The following CHKA variants were observed in gnomAD, a reference collection of about 807,000 sequenced individuals.
CHKA encodes choline kinase alpha.
CHKA carries 34 observed loss-of-function variants against 60.1 expected under a neutral mutation model. The ratio of observed to expected loss-of-function variants is 0.57; its 90% confidence interval spans 0.43 to 0.75. The LOEUF (loss-of-function observed/expected upper bound fraction) is 0.75, where lower values mean the gene tolerates loss of function less well. CHKA is among the 30% of genes least tolerant of loss of function. The pLI is 0.00. For synonymous variants in CHKA, 217 were observed against 223.1 expected, an observed-to-expected ratio of 0.97 and a Z score of 0.24; for missense variants, 563 against 561.3, an observed-to-expected ratio of 1.00 and a Z score of -0.03.
At chr11:68,115,707 AT>A (rs1232781403) in intron 1 of CHKA, among the ~76,000 whole-genome samples, 1 of 152,186 alleles carries the variant, frequency 6.6e-6, no homozygotes, top group Admixed American at 6.5e-5. Context: ...GCTCTAAAAA[AT>A]ATAGTGTATT....
At position 68,120,731 on chromosome 11, in the gene CHKA, C is replaced by A. The variant is rs540982190; in HGVS notation, c.350+97G>T. ...GCCCCGGCCCCGGCTCCCCCGGCCC[C>A]CGACCCCCCCGGCCCACGCCCCCTG... On this transcript the variant is annotated intron_variant, in intron 1 of 11. Transcript: ENST00000265689. 964 of 219,408 alleles carry A rather than the reference C, an allele frequency of 4.4e-3. 11 individuals carry two copies. Among genetic ancestry groups the A allele is most frequent in the African/African-American group, 0.021 (898 of 42,440 alleles). 13.6% of individuals were successfully genotyped at this position (219,408 alleles called of 1,614,324 possible). A position where few individuals can be genotyped will look rare whatever the true frequency, so the allele number is the denominator to read the frequency against.
chr11:68,061,095 GTTTTTTTT>G (rs757176198), intron 11 of CHKA, among the ~76,000 whole-genome samples: 5 of 70,840 alleles, frequency 7.1e-5, no homozygotes, highest in East Asian at 8.4e-4. Context: ...GTCAGTGACA[GTTTTTTTT>G]TTTTTTTTTT....
intron 3 of CHKA, among the ~76,000 whole-genome samples, chr11:68,077,490 T>A (rs527983944): frequency 2.0e-5 from 3 of 152,140 alleles, no homozygotes; most frequent in Non-Finnish European, 4.4e-5. Context: ...GGAAAATTGG[T>A]CCTACTTTTT....
chr11:68,070,544 G>C (rs796893667), intron 5 of CHKA, among the ~76,000 whole-genome samples, 180 bp downstream of exon 5: 13 of 152,232 alleles, frequency 8.5e-5, no homozygotes, highest in African/African-American at 2.6e-4. Flanking sequence ...TCCTGGTTTA[G>C]GAATTGACTT....
rs371209268 is a variant in CHKA, at chr11:68,070,325, A to G, written c.765-32T>C. The stretch of plus-strand genomic sequence containing the variant: ...AAAAATTTTCAAAAAAGAACAGAAC[A>G]AAGAATCACCGATCAATTCACCAAG... On this transcript the variant is annotated intron_variant, in intron 5 of 11. Transcript: ENST00000265689. The G allele has an allele frequency of 1.1e-4, 156 of 1,413,628 alleles. 2 individuals are homozygous for G. The highest frequency in any genetic ancestry group is 1.1e-3 in the Middle Eastern group (6 of 5,652). 87.6% of individuals were successfully genotyped at this position (1,413,628 alleles called of 1,614,324 possible). A position where few individuals can be genotyped will look rare whatever the true frequency, so the allele number is the denominator to read the frequency against.
At chr11:68,120,500 C>T (rs1383884780) in intron 1 of CHKA, among the ~76,000 whole-genome samples, 1 of 152,228 alleles carries the variant, frequency 6.6e-6, no homozygotes, top group African/African-American at 2.4e-5. Flanking sequence ...ACTTTCTAGA[C>T]CTATCTTAAG....
intron 7 of CHKA, among the ~76,000 whole-genome samples, chr11:68,068,225 A>C (rs1856504356): frequency 6.6e-6 from 1 of 152,140 alleles, no homozygotes; most frequent in South Asian, 2.1e-4. Context: ...TGTGGTGCAG[A>C]AGGGGGAAGG....
At chr11:68,112,569 T>G (rs1442573780) in intron 1 of CHKA, among the ~76,000 whole-genome samples, 1 of 152,156 alleles carries the variant, frequency 6.6e-6, no homozygotes, top group African/African-American at 2.4e-5. Context: ...CAGATTACTT[T>G]TAGATACAGC....
chr11:68,073,168 C>A (rs574280723), intron 4 of CHKA, among the ~76,000 whole-genome samples: 2 of 152,070 alleles, frequency 1.3e-5, no homozygotes, highest in Non-Finnish European at 2.9e-5. Flanking sequence ...CTTACCTTTT[C>A]CAAAAAGAGA....
Position 68,121,305 on chromosome 11 carries a change from G to A in CHKA, c.-128C>T. On this transcript the variant is annotated 5_prime_UTR_variant, in exon 1 of 12. Transcript: ENST00000265689. Reference sequence around the variant, plus strand: ...CGGGGCAGGGGGCCGCGGCGGTTGGGCGCGCGGGGCGGCGGCGGCGGCTGC... The same window carrying A: ...CGGGGCAGGGGGCCGCGGCGGTTGGACGCGCGGGGCGGCGGCGGCGGCTGC... 1.4e-6 allele frequency: 1 copy of A among 696,450 alleles called. No homozygotes were observed. Among genetic ancestry groups the A allele is most frequent in the Non-Finnish European group, 1.8e-6 (1 of 559,240 alleles). The allele number at this position is 696,450 out of a possible 1,614,324, so 43.1% of individuals were successfully genotyped here. A position where few individuals can be genotyped will look rare whatever the true frequency, so the allele number is the denominator to read the frequency against.
chr11:68,075,848 C>T (rs1317614348), intron 3 of CHKA, among the ~76,000 whole-genome samples: 1 of 152,156 alleles, frequency 6.6e-6, no homozygotes, highest in East Asian at 1.9e-4. Flanking sequence ...AAAAGAGAGG[C>T]ACCAGCAGGG....
chr11:68,058,869 A>C (rs1397677748), intron 11 of CHKA, among the ~76,000 whole-genome samples: 1 of 152,080 alleles, frequency 6.6e-6, no homozygotes, highest in East Asian at 1.9e-4. Flanking sequence ...TTTCCCTGTT[A>C]CCACTAGTGA....
At chr11:68,063,251 C>G (rs1038584467) in intron 10 of CHKA, among the ~76,000 whole-genome samples, 2 of 152,142 alleles carry the variant, frequency 1.3e-5, no homozygotes, top group African/African-American at 4.8e-5. Flanking sequence ...GTAATCCTAG[C>G]ACTTTGGGGG....
At chr11:68,065,723 A>C in intron 9 of CHKA, 63 bp downstream of exon 9, 1 of 1,155,986 alleles carries the variant, frequency 8.7e-7, no homozygotes, top group Non-Finnish European at 1.3e-6. Context: ...AGAAGATGTA[A>C]TTCTAACTGC....
intron 1 of CHKA, among the ~76,000 whole-genome samples, chr11:68,118,696 TGA>T (rs1454497078): frequency 5.3e-5 from 8 of 152,214 alleles, no homozygotes; most frequent in Non-Finnish European, 8.8e-5. Context: ...AACACAGGAC[TGA>T]GAGAGTGTAC....
In CHKA at chr11:68,053,873, A is replaced by C; in HGVS notation, c.*115T>G. 1 of 749,802 alleles carries C rather than the reference A, an allele frequency of 1.3e-6. No homozygotes were observed. 46.4% of individuals were successfully genotyped at this position (749,802 alleles called of 1,614,324 possible). On this transcript the variant is annotated 3_prime_UTR_variant, in exon 12 of 12. Coordinates refer to ENST00000265689, the MANE Select transcript of CHKA (RefSeq NM_001277.3). ...TTAGTATCATACACATGTGTTCAGT[A>C]GTGAGCCACCCAAAGCCTCCTGCCA... is the stretch of plus-strand genomic sequence containing the variant.
chr11:68,070,190 T>C lies in CHKA; in HGVS notation c.868A>G (p.Arg290Gly). The change falls in exon 6 of 12, where the codon AGA (arginine) becomes GGA (glycine). Residue 290 changes from arginine to glycine, a missense_variant and splice_region_variant. Physicochemically the swap from Arg to Gly is moderately radical, Grantham distance 125. Transcript: ENST00000265689. ...TCAGGAAATAGAAGGAAAACTCACC[T>C]CAGGTTTTCCAGTTCCAAGGGCAGA... is the stretch of plus-strand genomic sequence containing the variant. ...YNLPLELENL[R>G]SLLESTPSPV... 6.2e-7 allele frequency: 1 copy of C among 1,604,464 alleles called. No individual in the cohort carries two copies. The highest frequency in any genetic ancestry group is 8.5e-7 in the Non-Finnish European group (1 of 1,171,606).
intron 2 of CHKA, 161 bp from the exon 3 acceptor site, chr11:68,081,618 A>T: frequency 1.7e-6 from 1 of 594,382 alleles, no homozygotes; most frequent in Non-Finnish European, 3.0e-6. Context: ...ATGCACCAGC[A>T]GCCTCCAGCA....
At chr11:68,067,627 G>T (rs1184360426) in intron 7 of CHKA, among the ~76,000 whole-genome samples, 1 of 152,154 alleles carries the variant, frequency 6.6e-6, no homozygotes, top group Non-Finnish European at 1.5e-5. Flanking sequence ...GCCCAAAGTA[G>T]CACAACAAAA....
Sources: allele counts gnomAD v4.1 joint callset (sites outside exome capture counted in the v4.1 genomes callset), GRCh38; gene constraint gnomAD v4.1.1; transcripts MANE v1.5; gene names NCBI Gene and HGNC (gene_info 2026-07-23, HGNC 2026-07-21).